AGBL4: variants seen among roughly 807,000 people sequenced by gnomAD.
The protein encoded by AGBL4 is cytosolic carboxypeptidase 6.
AGBL4 carries 58 observed loss-of-function variants against 66.4 expected under a neutral mutation model. The observed-to-expected ratio is 0.87, with a 90% CI of 0.71 to 1.09. The LOEUF (loss-of-function observed/expected upper bound fraction) is 1.09. Among genes scored for constraint, AGBL4 ranks in the 50% least tolerant of loss-of-function variants. AGBL4 has a pLI of 0.00. For missense variants in AGBL4, 579 were observed against 631.0 expected, an observed-to-expected ratio of 0.92 and a Z score of 0.88; for synonymous variants, 234 against 222.9, an observed-to-expected ratio of 1.05 and a Z score of -0.44.
At chr1:49,350,364 C>A (rs973801425) in intron 3 of AGBL4, among the ~76,000 whole-genome samples, 3 of 151,400 alleles carry the variant, frequency 2.0e-5, no homozygotes, top group Admixed American at 6.6e-5. Context: ...CCACTACGCC[C>A]GGCTAATTTT....
chr1:48,853,059 G>A (rs1647068858), intron 6 of AGBL4, among the ~76,000 whole-genome samples: 1 of 152,124 alleles, frequency 6.6e-6, no homozygotes, highest in Non-Finnish European at 1.5e-5. Flanking sequence ...TCTCAGCCTA[G>A]ATCATAATAA....
Position 49,834,196 on chromosome 1 carries a change from G to C in AGBL4, c.157+17200C>G, listed in dbSNP as rs959913583. Among the ~76,000 whole-genome samples the C allele has an allele frequency of 2.6e-5, 4 of 152,134 alleles. No homozygotes were observed. The East Asian group carries it at 7.7e-4, about 29-fold the overall frequency. On this transcript the variant is annotated intron_variant, in intron 2 of 13. Coordinates refer to ENST00000371839, the MANE Select transcript of AGBL4 (RefSeq NM_032785.4). ...TTTGTACCTCTGGTAGAATTCAGCAGTGAATCTGTCTGTTCCTAGGTTTTT... is the reference window on the plus strand; with the variant it reads ...TTTGTACCTCTGGTAGAATTCAGCACTGAATCTGTCTGTTCCTAGGTTTTT...
rs1033833571 is a variant in AGBL4, at chr1:48,616,328, C to T, written c.951+18165G>A. 5.3e-5 allele frequency among the ~76,000 whole-genome samples: 8 copies of T among 152,290 alleles called. 1 individual carries two copies. Among genetic ancestry groups the T allele is most frequent in the South Asian group, 4.2e-4 (2 of 4,812 alleles). ...TCCAGGAGGCCTCTACAACCAGAGA[C>T]GTTCAGAGCTCGTATAACCTCTCCA... On this transcript the variant is annotated intron_variant, in intron 9 of 13. Coordinates refer to ENST00000371839, the MANE Select transcript of AGBL4 (RefSeq NM_032785.4).
chr1:48,996,534 G>C (rs1000388408), intron 5 of AGBL4, among the ~76,000 whole-genome samples: 2 of 152,264 alleles, frequency 1.3e-5, no homozygotes, highest in African/African-American at 2.4e-5. Context: ...TCAGGAAGTA[G>C]GTTGTCAGTT....
intron 3 of AGBL4, among the ~76,000 whole-genome samples, chr1:49,616,101 A>G (rs536119657): frequency 2.5e-4 from 38 of 152,256 alleles, no homozygotes; most frequent in African/African-American, 2.4e-4. Context: ...GAATATATGT[A>G]AAGTAGTACC....
intron 4 of AGBL4, among the ~76,000 whole-genome samples, chr1:49,083,608 A>G (rs914024565): frequency 2.0e-5 from 3 of 152,166 alleles, no homozygotes; most frequent in South Asian, 2.1e-4. Context: ...TTTTCCTTCT[A>G]GGTTCCCAGG....
chr1:49,290,712 A>G (rs1644517187), intron 3 of AGBL4, among the ~76,000 whole-genome samples: 1 of 152,200 alleles, frequency 6.6e-6, no homozygotes, highest in African/African-American at 2.4e-5. Flanking sequence ...GATCACATAC[A>G]TAGTACTCTG....
At chr1:49,483,492 A>T (rs2148730189) in intron 3 of AGBL4, among the ~76,000 whole-genome samples, 1 of 152,050 alleles carries the variant, frequency 6.6e-6, no homozygotes, top group African/African-American at 2.4e-5. Flanking sequence ...ATTCATATAG[A>T]ATGATACAAG....
rs547992629 is a variant in AGBL4 at position 48,729,076 on chromosome 1, C to A, written c.635-65835G>T. 3.3e-5 allele frequency among the ~76,000 whole-genome samples: 5 copies of A among 152,286 alleles called. No individual in the cohort carries two copies. The East Asian group carries it at 9.6e-4, about 29-fold the overall frequency. ...GCAACTCACTGCCCTAGATTCCTCACTTCATAAATAAGGATAACAAACTAC... is the reference window on the plus strand; with the variant it reads ...GCAACTCACTGCCCTAGATTCCTCAATTCATAAATAAGGATAACAAACTAC... On this transcript the variant is annotated intron_variant, in intron 6 of 13. Transcript: ENST00000371839.
Position 49,069,365 on chromosome 1 carries a change from G to A in AGBL4, c.378-23565C>T, listed in dbSNP as rs12086759. On this transcript the variant is annotated intron_variant, in intron 4 of 13. Coordinates refer to ENST00000371839, the MANE Select transcript of AGBL4 (RefSeq NM_032785.4). ...TCTTCAAGGGTTTTTATGGTTTTAG[G>A]TCTTACATTTAAGTCTTTAATCCAT... Among the ~76,000 whole-genome samples the A allele has an allele frequency of 2.1e-3, 317 of 152,232 alleles. 5 individuals are homozygous for A. Among genetic ancestry groups the A allele is most frequent in the African/African-American group, 7.1e-3 (294 of 41,526 alleles).
rs200375125 is a variant in AGBL4, at chr1:48,779,704, C to CT, written c.634+87486dup. Among the ~76,000 whole-genome samples the CT allele has an allele frequency of 5.5e-3, 753 of 137,062 alleles. 14 individuals carry two copies. Among genetic ancestry groups the CT allele is most frequent in the African/African-American group, 0.015 (550 of 36,210 alleles). 89.9% of individuals were successfully genotyped at this position (137,062 alleles called of 152,430 possible). On this transcript the variant is annotated intron_variant, in intron 6 of 13. Coordinates refer to ENST00000371839, the MANE Select transcript of AGBL4 (RefSeq NM_032785.4). ...TTTTTTCTTGAAAGTCTGTTCCTCT[C>CT]TTTTTTTTTTTTTTTTTTTTTTTCT... is the stretch of plus-strand genomic sequence containing the variant.
intron 3 of AGBL4, among the ~76,000 whole-genome samples, chr1:49,545,459 G>C (rs1479145551): frequency 1.3e-5 from 2 of 152,152 alleles, no homozygotes; most frequent in Non-Finnish European, 2.9e-5. Context: ...CTGAAGCAGA[G>C]AACCCAGCTA....
chr1:49,779,183 A>C (rs1353103035), intron 2 of AGBL4, among the ~76,000 whole-genome samples: 5 of 152,208 alleles, frequency 3.3e-5, no homozygotes, highest in Non-Finnish European at 7.3e-5. Flanking sequence ...GGTCAAGGAG[A>C]CTATGTGCAC....
intron 9 of AGBL4, among the ~76,000 whole-genome samples, chr1:48,612,989 G>A (rs1216022825): frequency 6.6e-6 from 1 of 151,990 alleles, no homozygotes; most frequent in Admixed American, 6.6e-5. Flanking sequence ...CAAAAATTAA[G>A]CAGGCAAGGT....
chr1:49,328,941 T>C (rs1019915984), intron 3 of AGBL4, among the ~76,000 whole-genome samples: 2 of 152,208 alleles, frequency 1.3e-5, no homozygotes, highest in African/African-American at 4.8e-5. Context: ...ATATGTGCAT[T>C]TAGTAGAAGT....
intron 6 of AGBL4, among the ~76,000 whole-genome samples, chr1:48,811,207 T>C (rs1265723464): frequency 6.6e-6 from 1 of 152,014 alleles, no homozygotes; most frequent in Non-Finnish European, 1.5e-5. Flanking sequence ...GGATGCTAGA[T>C]GGAGCAAAAC....
At chr1:48,760,796 G>A (rs150734767) in intron 6 of AGBL4, among the ~76,000 whole-genome samples, 42 of 152,262 alleles carry the variant, frequency 2.8e-4, no homozygotes, top group South Asian at 2.1e-4. Context: ...CTAGCTTGCC[G>A]AACAAGATTT....
chr1:49,524,137 G>T (rs1442873450), intron 3 of AGBL4, among the ~76,000 whole-genome samples: 4 of 151,964 alleles, frequency 2.6e-5, no homozygotes, highest in African/African-American at 9.7e-5. Flanking sequence ...TCATACATCT[G>T]CCCTGGCCCT....
Position 49,750,595 on chromosome 1 carries a change from A to T in AGBL4, c.158-53158T>A, listed in dbSNP as rs371709818. On this transcript the variant is annotated intron_variant, in intron 2 of 13. Transcript: ENST00000371839. ...TACAGGCTTCTTTTGGTTCCATATG[A>T]AATTTAAAGTAGTTTTCTAATTCTG... Among the ~76,000 whole-genome samples, 82 of 152,286 alleles carry T rather than the reference A, an allele frequency of 5.4e-4. 2 individuals carry two copies. In the South Asian group the frequency reaches 0.015, roughly 27 times the overall value.
Sources: allele counts gnomAD v4.1 joint callset (sites outside exome capture counted in the v4.1 genomes callset), GRCh38; gene constraint gnomAD v4.1.1; transcripts MANE v1.5; gene names NCBI Gene and HGNC (gene_info 2026-07-23, HGNC 2026-07-21).